The following DACH1 variants were observed in gnomAD, a reference collection of about 807,000 sequenced individuals.
DACH1 encodes the protein dachshund homolog 1.
Under a neutral mutation model 54.2 loss-of-function variants are expected in DACH1, and 12 were observed. The observed-to-expected ratio is 0.22, with a 90% CI of 0.14 to 0.36. DACH1 has a LOEUF of 0.36. DACH1 is among the 10% of genes least tolerant of loss of function. The pLI, the probability that DACH1 is intolerant of heterozygous loss-of-function variation, is 1.00. For missense variants in DACH1, 805 were observed against 929.8 expected (o/e 0.87, Z 1.75); for synonymous variants, 386 against 366.2 (o/e 1.05, Z -0.62).
At chr13:71,766,490 C>T (rs1885634013) in intron 1 of DACH1, among the ~76,000 whole-genome samples, 1 of 152,124 alleles carries the variant, frequency 6.6e-6, no homozygotes, top group Non-Finnish European at 1.5e-5. Flanking sequence ...CATAATGTAA[C>T]CTCCATTAGC....
intron 1 of DACH1, among the ~76,000 whole-genome samples, chr13:71,716,089 T>A (rs1349260821): frequency 6.6e-6 from 1 of 151,984 alleles, no homozygotes; most frequent in Non-Finnish European, 1.5e-5. Context: ...CCACCATCCA[T>A]CCAATCCCCA....
At chr13:71,695,347 A>G (rs74099104) in intron 1 of DACH1, among the ~76,000 whole-genome samples, 5,979 of 152,298 alleles carry the variant, frequency 0.039, 268 homozygotes, top group African/African-American at 0.11. Context: ...ATACCATGGC[A>G]GAAACAAGGC....
At chr13:71,789,480 G>A (rs988126925) in intron 1 of DACH1, among the ~76,000 whole-genome samples, 2 of 152,002 alleles carry the variant, frequency 1.3e-5, no homozygotes, top group Non-Finnish European at 2.9e-5. Flanking sequence ...TATCATATGT[G>A]CATATAAGTC....
At chr13:71,486,959 C>T (rs925343162) in intron 7 of DACH1, among the ~76,000 whole-genome samples, 1 of 152,000 alleles carries the variant, frequency 6.6e-6, no homozygotes, top group Non-Finnish European at 1.5e-5. Flanking sequence ...ATTCTCCTGC[C>T]TCAACCTCTC....
intron 1 of DACH1, among the ~76,000 whole-genome samples, chr13:71,780,959 C>A (rs114954320): frequency 6.6e-6 from 1 of 152,008 alleles, no homozygotes; most frequent in Non-Finnish European, 1.5e-5. Context: ...CATAGCGAGA[C>A]CTTATCTCTA....
chr13:71,724,801 A>C (rs1883396090), intron 1 of DACH1, among the ~76,000 whole-genome samples: 1 of 152,146 alleles, frequency 6.6e-6, no homozygotes. Context: ...TTTAAGCTCC[A>C]ATTAGCTCCA....
At chr13:71,531,926 A>G (rs1262563109) in intron 6 of DACH1, among the ~76,000 whole-genome samples, 1 of 151,854 alleles carries the variant, frequency 6.6e-6, no homozygotes, top group African/African-American at 2.4e-5. Context: ...AATCACATAT[A>G]TATGTGTGTG....
intron 6 of DACH1, among the ~76,000 whole-genome samples, chr13:71,497,882 ACACACAC>A (rs1879573188): frequency 2.0e-5 from 3 of 151,304 alleles, no homozygotes; most frequent in Admixed American, 1.3e-4. Flanking sequence ...ACACACACAC[ACACACAC>A]ACACACACAC....
intron 2 of DACH1, among the ~76,000 whole-genome samples, chr13:71,676,570 C>A (rs1447662584): frequency 1.3e-5 from 2 of 152,048 alleles, no homozygotes; most frequent in Non-Finnish European, 2.9e-5. Context: ...ATGTTTAATG[C>A]ATTTAAACTA....
At chr13:71,812,026 G>T (rs1566515955) in intron 1 of DACH1, among the ~76,000 whole-genome samples, 2 of 151,978 alleles carry the variant, frequency 1.3e-5, no homozygotes, top group Admixed American at 1.3e-4. Context: ...AATTAAAATG[G>T]TCTACAGCTG....
At position 71,775,127 on chromosome 13, in the gene DACH1, C is replaced by CTTTTTTTTTTTT. The variant is rs767902341; in HGVS notation, c.848+90783_848+90794dup. ...GAGCAAGACTCCATCTCAACACAAG[C>CTTTTTTTTTTTT]TTTTTTTTTTTTTTTTTTTTTTTTT... On this transcript the variant is annotated intron_variant, in intron 1 of 10. Transcript: ENST00000613252. 5.0e-4 allele frequency among the ~76,000 whole-genome samples: 27 copies of CTTTTTTTTTTTT among 54,028 alleles called. 6 individuals carry two copies. The highest frequency in any genetic ancestry group is 1.0e-3 in the South Asian group (1 of 978). The allele number at this position is 54,028 out of a possible 152,430, so 35.4% of individuals were successfully genotyped here. A position where few individuals can be genotyped will look rare whatever the true frequency, so the allele number is the denominator to read the frequency against.
chr13:71,606,427 A>G (rs1566373758), intron 3 of DACH1, among the ~76,000 whole-genome samples: 2 of 152,028 alleles, frequency 1.3e-5, no homozygotes, highest in Admixed American at 6.6e-5. Flanking sequence ...CAATAGAACT[A>G]TTTTCAAGGA....
chr13:71,616,349 A>G (rs951634607), intron 3 of DACH1, among the ~76,000 whole-genome samples: 21 of 152,242 alleles, frequency 1.4e-4, no homozygotes, highest in African/African-American at 4.8e-4. Flanking sequence ...TTGGAATTTT[A>G]GGTCAAACCT....
intron 10 of DACH1, among the ~76,000 whole-genome samples, chr13:71,470,682 A>T (rs910244485): frequency 3.3e-5 from 5 of 152,082 alleles, no homozygotes; most frequent in Admixed American, 6.6e-5. Context: ...TCTTCAACCA[A>T]AGTCTGAGAA....
Position 71,545,628 on chromosome 13 carries a change from C to A in DACH1, c.1570+11396G>T, listed in dbSNP as rs74095969. Among the ~76,000 whole-genome samples the A allele has an allele frequency of 2.5e-3, 381 of 151,630 alleles. 2 individuals carry two copies. Among genetic ancestry groups the A allele is most frequent in the African/African-American group, 8.7e-3 (360 of 41,462 alleles). On this transcript the variant is annotated intron_variant, in intron 6 of 10. Coordinates refer to ENST00000613252, the MANE Select transcript of DACH1 (RefSeq NM_080759.6). ...GGAAGGGATGAACCTGTGAAACATT[C>A]AACTAATTAATGATTGTCTCATCTT...
rs1441653676 is a variant in DACH1 at position 71,439,819 on chromosome 13, C to A, written c.*836G>T. ...CTAGTATACTACTGCATACATAATA[C>A]CTTCCTTGTGTGTTTTATGTTTATA... On this transcript the variant is annotated 3_prime_UTR_variant, in exon 11 of 11. Transcript: ENST00000613252. The A allele has an allele frequency of 1.3e-5, 2 of 152,348 alleles. No homozygotes were observed. The highest frequency in any genetic ancestry group is 6.6e-5 in the Admixed American group (1 of 15,216). The allele number at this position is 152,348 out of a possible 1,614,324, so 9.4% of individuals were successfully genotyped here. A position where few individuals can be genotyped will look rare whatever the true frequency, so the allele number is the denominator to read the frequency against.
intron 1 of DACH1, among the ~76,000 whole-genome samples, chr13:71,758,925 CTT>C (rs1386151314): frequency 1.5e-5 from 2 of 131,176 alleles, no homozygotes; most frequent in Non-Finnish European, 3.2e-5. Flanking sequence ...TGTTGCCAGT[CTT>C]TGTCTTTTTT....
chr13:71,466,049 T>C (rs1465775312), intron 10 of DACH1, among the ~76,000 whole-genome samples: 1 of 152,172 alleles, frequency 6.6e-6, no homozygotes, highest in Non-Finnish European at 1.5e-5. Context: ...CATTCTTCCT[T>C]AAATTTCTAA....
At chr13:71,520,086 T>C (rs1247635991) in intron 6 of DACH1, among the ~76,000 whole-genome samples, 3 of 151,014 alleles carry the variant, frequency 2.0e-5, no homozygotes, top group Non-Finnish European at 4.4e-5. Context: ...CCAAAGCCAC[T>C]GGAGTATAAG....
Sources: allele counts gnomAD v4.1 joint callset (sites outside exome capture counted in the v4.1 genomes callset), GRCh38; gene constraint gnomAD v4.1.1; transcripts MANE v1.5; gene names NCBI Gene and HGNC (gene_info 2026-07-23, HGNC 2026-07-21).